Variants in NKAIN2 observed in about 807,000 individuals in gnomAD.
NKAIN2 encodes sodium/potassium-transporting ATPase subunit beta-1-interacting protein 2.
Under a neutral mutation model 32.6 loss-of-function variants are expected in NKAIN2, and 14 were observed. The ratio of observed to expected loss-of-function variants is 0.43; its 90% CI spans 0.28 to 0.67. The LOEUF is 0.67. Ranked by LOEUF, NKAIN2 falls within the 30% of genes least tolerant of loss-of-function variation. The pLI is 0.17. For synonymous variants in NKAIN2, 80 were observed against 87.2 expected, an observed-to-expected ratio of 0.92 and a Z score of 0.46; for missense variants, 198 against 258.3, an observed-to-expected ratio of 0.77 and a Z score of 1.60.
At chr6:124,775,023 T>C (rs953027516) in intron 4 of NKAIN2, among the ~76,000 whole-genome samples, 2 of 152,178 alleles carry the variant, frequency 1.3e-5, no homozygotes, top group Non-Finnish European at 2.9e-5. Context: ...AAGGTTTAAT[T>C]TCCTGACCTC....
intron 3 of NKAIN2, among the ~76,000 whole-genome samples, chr6:124,362,864 C>T (rs532615541): frequency 1.3e-5 from 2 of 151,642 alleles, no homozygotes; most frequent in South Asian, 4.2e-4. Context: ...AGATAGAGTC[C>T]CACTCTGTCG....
intron 4 of NKAIN2, among the ~76,000 whole-genome samples, chr6:124,721,265 GCA>G (rs1776005233): frequency 6.6e-6 from 1 of 151,744 alleles, no homozygotes; most frequent in Admixed American, 6.6e-5. Context: ...TTAGCCGGGC[GCA>G]GTGGCGGGCG....
chr6:123,806,629 C>T (rs1001864254), intron 1 of NKAIN2, among the ~76,000 whole-genome samples: 1 of 152,000 alleles, frequency 6.6e-6, no homozygotes, highest in African/African-American at 2.4e-5. Context: ...GATTGTTTTA[C>T]AAATAAACCA....
chr6:124,374,423 G>A (rs755205994), intron 3 of NKAIN2, among the ~76,000 whole-genome samples: 14 of 152,210 alleles, frequency 9.2e-5, no homozygotes, highest in Non-Finnish European at 2.1e-4. Context: ...GTTGTCAAGT[G>A]TTACCTATGA....
intron 1 of NKAIN2, among the ~76,000 whole-genome samples, chr6:124,030,460 T>C (rs1227016434): frequency 6.6e-6 from 1 of 152,224 alleles, no homozygotes; most frequent in Middle Eastern, 3.2e-3. Context: ...ACTTTGCTTT[T>C]GATTCTTCCT....
At chr6:124,793,517 G>A (rs75597390) in intron 5 of NKAIN2, among the ~76,000 whole-genome samples, 3,205 of 152,088 alleles carry the variant, frequency 0.021, 99 homozygotes, top group African/African-American at 0.072. Context: ...CTTTCTCTGG[G>A]CTATGTTGTT....
intron 5 of NKAIN2, among the ~76,000 whole-genome samples, chr6:124,815,029 T>A (rs188156299): frequency 6.6e-6 from 1 of 151,822 alleles, no homozygotes; most frequent in East Asian, 1.9e-4. Flanking sequence ...CTTGATCTAT[T>A]GTAACCCACT....
chr6:124,148,051 C>A (rs1249167736), intron 1 of NKAIN2, among the ~76,000 whole-genome samples: 1 of 151,994 alleles, frequency 6.6e-6, no homozygotes, highest in Non-Finnish European at 1.5e-5. Flanking sequence ...TCATTCATTT[C>A]TTTAATTCCT....
chr6:124,182,340 A>G (rs186302918), intron 1 of NKAIN2, among the ~76,000 whole-genome samples: 3 of 152,326 alleles, frequency 2.0e-5, no homozygotes, highest in African/African-American at 4.8e-5. Flanking sequence ...ATTAAGCATT[A>G]TAATAATGAA....
At chr6:124,506,730 A>G (rs1384206730) in intron 3 of NKAIN2, among the ~76,000 whole-genome samples, 1 of 151,986 alleles carries the variant, frequency 6.6e-6, no homozygotes, top group African/African-American at 2.4e-5. Flanking sequence ...AAAAAGAGGG[A>G]GAAGGTTAAG....
chr6:124,244,013 G>A (rs372689569), intron 1 of NKAIN2, among the ~76,000 whole-genome samples: 2 of 151,722 alleles, frequency 1.3e-5, no homozygotes, highest in South Asian at 2.1e-4. Context: ...CAGTTTCCTT[G>A]AGAAAAATCA....
rs116089294 is a variant in NKAIN2 at position 124,536,501 on chromosome 6, C to G, written c.274-121685C>G. The stretch of plus-strand genomic sequence containing the variant: ...CTCAGTCTTTGCTACCTCCTGACCC[C>G]TTCCAAGCAGGGCAATCCCCTTCCC... On this transcript the variant is annotated intron_variant, in intron 3 of 6. Coordinates refer to ENST00000368417, the MANE Select transcript of NKAIN2 (RefSeq NM_001040214.3). 4.7e-3 allele frequency among the ~76,000 whole-genome samples: 716 copies of G among 152,204 alleles called. 7 individuals are homozygous for G. Among genetic ancestry groups the G allele is most frequent in the African/African-American group, 0.016 (682 of 41,518 alleles).
chr6:124,008,350 A>G (rs1780170626), intron 1 of NKAIN2, among the ~76,000 whole-genome samples: 1 of 152,164 alleles, frequency 6.6e-6, no homozygotes, highest in Non-Finnish European at 1.5e-5. Context: ...ACTTTTGTTC[A>G]AGGGGAACCA....
At chr6:124,084,916 C>A (rs1156728979) in intron 1 of NKAIN2, among the ~76,000 whole-genome samples, 1 of 151,968 alleles carries the variant, frequency 6.6e-6, no homozygotes, top group Admixed American at 6.6e-5. Flanking sequence ...AGAGCATTTT[C>A]TGCTGAAAAG....
chr6:124,030,455 G>A (rs1485370675), intron 1 of NKAIN2, among the ~76,000 whole-genome samples: 2 of 152,094 alleles, frequency 1.3e-5, no homozygotes, highest in Non-Finnish European at 2.9e-5. Flanking sequence ...ACAAAACTTT[G>A]CTTTTGATTC....
At chr6:123,975,191 C>T (rs1469798403) in intron 1 of NKAIN2, among the ~76,000 whole-genome samples, 1 of 152,098 alleles carries the variant, frequency 6.6e-6, no homozygotes, top group African/African-American at 2.4e-5. Flanking sequence ...AAATAACCCA[C>T]TACTAAGAGA....
intron 4 of NKAIN2, among the ~76,000 whole-genome samples, chr6:124,742,852 A>C (rs1359750562): frequency 6.6e-6 from 1 of 151,880 alleles, no homozygotes; most frequent in Non-Finnish European, 1.5e-5. Flanking sequence ...TTCAGATTTT[A>C]AAATCACAGG....
intron 3 of NKAIN2, among the ~76,000 whole-genome samples, chr6:124,467,537 G>A (rs1776810307): frequency 1.3e-5 from 2 of 152,178 alleles, no homozygotes; most frequent in African/African-American, 2.4e-5. Context: ...TCAGTGCTGT[G>A]TTCTGTTTAT....
chr6:124,358,433 A>C (rs2114258771), intron 3 of NKAIN2, among the ~76,000 whole-genome samples: 1 of 152,010 alleles, frequency 6.6e-6, no homozygotes, highest in East Asian at 1.9e-4. Flanking sequence ...CCTCTCCAGC[A>C]CCTGTTGTTT....
Sources: allele counts gnomAD v4.1 joint callset (sites outside exome capture counted in the v4.1 genomes callset), GRCh38; gene constraint gnomAD v4.1.1; transcripts MANE v1.5; gene names NCBI Gene and HGNC (gene_info 2026-07-23, HGNC 2026-07-21).